Variants in ZNF160 observed in about 807,000 individuals in gnomAD.
ZNF160 encodes the protein zinc finger protein 160.
In ZNF160, 9 loss-of-function variants were observed where a neutral mutation model predicts 13.1. The observed-to-expected ratio is 0.69, with a 90% CI of 0.41 to 1.20. The LOEUF is 1.20. Among genes scored for constraint, ZNF160 ranks in the 50% most tolerant of loss-of-function variants. The probability of loss-of-function intolerance (pLI) is 0.01; values close to 1 mark genes in which losing one functional copy is unlikely to be tolerated. For synonymous variants in ZNF160, 293 were observed against 333.2 expected, an observed-to-expected ratio of 0.88 and a Z score of 1.31; for missense variants, 838 against 988.0, an observed-to-expected ratio of 0.85 and a Z score of 2.04.
intron 3 of ZNF160, among the ~76,000 whole-genome samples, chr19:53,082,248 C>T (rs887282996): frequency 1.3e-5 from 2 of 152,096 alleles, no homozygotes; most frequent in Non-Finnish European, 2.9e-5. Flanking sequence ...TCACGTGTAC[C>T]CCCTGAATCT....
rs979071671 is a variant in ZNF160 at position 53,075,395 on chromosome 19, T to C, written c.16-212A>G. 5.4e-6 allele frequency: 3 copies of C among 557,552 alleles called. No individual in the cohort carries two copies. The African/African-American group carries it at 5.7e-5, about 11-fold the overall frequency. 34.5% of individuals were successfully genotyped at this position (557,552 alleles called of 1,614,324 possible). On this transcript the variant is annotated intron_variant, in intron 3 of 5. Coordinates refer to ENST00000683776, the MANE Select transcript of ZNF160 (RefSeq NM_001322131.2). ...AAATCAGTGGAGTGATAAGTATCTT[T>C]TTGTACATTAATGGGATAATTGGTG...
rs59972442 is a variant in ZNF160, at chr19:53,096,762, G to A, written c.-353-5042C>T. ...AGGAGAGAGACAAACAGACCAACCC[G>A]TCCTCTCCCTCAATCACCCGCCTGG... On this transcript the variant is annotated intron_variant, in intron 1 of 5. Transcript: ENST00000683776. Among the ~76,000 whole-genome samples the A allele has an allele frequency of 1.6e-5, 2 of 125,186 alleles. 1 individual carries two copies. The highest frequency in any genetic ancestry group is 6.1e-5 in the African/African-American group (2 of 32,774). The allele number at this position is 125,186 out of a possible 152,430, so 82.1% of individuals were successfully genotyped here. A position where few individuals can be genotyped will look rare whatever the true frequency, so the allele number is the denominator to read the frequency against.
rs1345315007 is a variant in ZNF160, at chr19:53,067,386, G to A, written c.*691C>T. On this transcript the variant is annotated 3_prime_UTR_variant, in exon 6 of 6. Transcript: ENST00000683776. ...ACATCATAGTTTTACATTGTTTTTC[G>A]CCACTCCCAAATGCTAATTCAGATG... 2 of 152,010 alleles carry A rather than the reference G, an allele frequency of 1.3e-5. No homozygotes were observed. Among genetic ancestry groups the A allele is most frequent in the African/African-American group, 4.8e-5 (2 of 41,380 alleles). The allele number at this position is 152,010 out of a possible 1,614,324, so 9.4% of individuals were successfully genotyped here.
rs557418418 is a variant in ZNF160, at chr19:53,069,663, C to T, written c.871G>A (p.Gly291Ser). 44 of 1,613,860 alleles carry T rather than the reference C, an allele frequency of 2.7e-5. No individual in the cohort carries two copies. In the East Asian group the frequency reaches 4.5e-4, roughly 16 times the overall value. The change falls in exon 6 of 6, where the codon GGC becomes AGC. Residue 291 changes from glycine (G) to serine (S), a missense_variant. This residue lies in a region of ZNF160 where 387 missense variants were observed against 402.3 expected (regional missense o/e 0.96). Coordinates refer to ENST00000683776, the MANE Select transcript of ZNF160 (RefSeq NM_001322131.2). This position sits in a 1 kb window ranked among gnomAD's most constrained non-coding sequence, Gnocchi z 4.4. ...GEKPYKCSEC[G>S]KTFTVRSNLT... is the part of the protein sequence containing the mutation. ...TTTGAACGAACAGTAAAGGTTTTGCCGCACTCACTGCATTTGTAAGGCTTC... is the reference window on the plus strand; with the variant it reads ...TTTGAACGAACAGTAAAGGTTTTGCTGCACTCACTGCATTTGTAAGGCTTC...
chr19:53,101,044 C>T (rs2085430065), intron 1 of ZNF160, among the ~76,000 whole-genome samples: 1 of 151,882 alleles, frequency 6.6e-6, no homozygotes, highest in South Asian at 2.1e-4. Context: ...TTTGGGAGGC[C>T]GAGACAGGTG....
intron 3 of ZNF160, among the ~76,000 whole-genome samples, chr19:53,081,984 G>A (rs911936265): frequency 2.6e-5 from 4 of 152,278 alleles, no homozygotes; most frequent in Admixed American, 1.3e-4. Context: ...GATGCAGCTG[G>A]AGGCCGTTAT....
Position 53,074,009 on chromosome 19 carries a change from C to T in ZNF160, c.271+131G>A, listed in dbSNP as rs565039715. On this transcript the variant is annotated intron_variant, in intron 5 of 5. Transcript: ENST00000683776. ...TTCACAATGTTGGTCAGGCTGGTCT[C>T]GAACTCCTGACCTCAAGTGATCTGC... 554 of 833,676 alleles carry T rather than the reference C, an allele frequency of 6.6e-4. 1 individual carries two copies. Among genetic ancestry groups the T allele is most frequent in the Non-Finnish European group, 9.3e-4 (487 of 524,270 alleles). 51.6% of individuals were successfully genotyped at this position (833,676 alleles called of 1,614,324 possible).
chr19:53,075,361 G>C (rs1421923160), intron 3 of ZNF160, 178 bp from the exon 4 acceptor site: 10 of 694,534 alleles, frequency 1.4e-5, no homozygotes, highest in Non-Finnish European at 2.1e-5. Context: ...TGACATAAGA[G>C]CTCACTTGAA....
rs766499337 is a variant in ZNF160 at position 53,068,434 on chromosome 19, G to A, written c.2100C>T (p.Thr700=). Residue 700 remains threonine, a synonymous_variant, in exon 6 of 6, where the codon ACC becomes ACT. Transcript: ENST00000683776. The stretch of plus-strand genomic sequence containing the variant: ...CATTGCATCGGTAAGGTTTCTCTCC[G>A]GTGTGAGTCCTTTGATGATTTGCAA... ...SHLANHQRTH[T]GEKPYRCNEC... The A allele has an allele frequency of 2.6e-5, 42 of 1,612,532 alleles. No homozygotes were observed. Among genetic ancestry groups the A allele is most frequent in the Middle Eastern group, 3.3e-4 (2 of 6,070 alleles).
intron 3 of ZNF160, chr19:53,085,908 G>T: frequency 1.2e-6 from 1 of 845,260 alleles, no homozygotes; most frequent in Non-Finnish European, 1.9e-6. Context: ...CTGACTTCAT[G>T]GGCAGCTTCT....
intron 1 of ZNF160, among the ~76,000 whole-genome samples, chr19:53,102,643 T>G (rs549250093): frequency 6.6e-6 from 1 of 152,320 alleles, no homozygotes; most frequent in East Asian, 1.9e-4. Context: ...TCTCCCTCAT[T>G]TTTCTTTTCT....
At chr19:53,084,094 C>A (rs1040915718) in intron 3 of ZNF160, among the ~76,000 whole-genome samples, 2 of 151,882 alleles carry the variant, frequency 1.3e-5, no homozygotes, top group African/African-American at 4.8e-5. Flanking sequence ...GAGGTTACCT[C>A]GAGAAACAGC....
intron 2 of ZNF160, among the ~76,000 whole-genome samples, chr19:53,087,587 G>A (rs1370258980): frequency 6.6e-6 from 1 of 152,128 alleles, no homozygotes; most frequent in African/African-American, 2.4e-5. Context: ...TTTCACTCTT[G>A]TTGCCCAGGC....
At chr19:53,081,939 T>C (rs1407132986) in intron 3 of ZNF160, among the ~76,000 whole-genome samples, 21 of 152,070 alleles carry the variant, frequency 1.4e-4, no homozygotes. Flanking sequence ...TATACAGCCA[T>C]AAAAAAACAA....
chr19:53,088,266 A>G lies in ZNF160; in HGVS notation c.-45-1945T>C, dbSNP rs568204681. 4.3e-4 allele frequency among the ~76,000 whole-genome samples: 66 copies of G among 152,380 alleles called. 1 individual carries two copies. The highest frequency in any genetic ancestry group is 1.6e-3 in the African/African-American group (65 of 41,574). On this transcript the variant is annotated intron_variant, in intron 2 of 5. Coordinates refer to ENST00000683776, the MANE Select transcript of ZNF160 (RefSeq NM_001322131.2). Reference sequence around the variant, plus strand: ...AGGAAGAAAAAGATGAGGACAGGACATGAATTACGGCATTTAGGAATTGGG... The same window carrying G: ...AGGAAGAAAAAGATGAGGACAGGACGTGAATTACGGCATTTAGGAATTGGG...
At position 53,074,410 on chromosome 19, in the gene ZNF160, G is replaced by C. The variant is rs1021821505; in HGVS notation, c.143-142C>G. On this transcript the variant is annotated intron_variant, in intron 4 of 5. Coordinates refer to ENST00000683776, the MANE Select transcript of ZNF160 (RefSeq NM_001322131.2). ...GGGCCAGGCGCGGTGGCTCATGCCT[G>C]TAATCCCAGCATTTTGGGAAGCTGA... 4.9e-5 allele frequency: 68 copies of C among 1,382,782 alleles called. 1 individual carries two copies. In the African/African-American group the frequency reaches 9.5e-4, roughly 19 times the overall value. The allele number at this position is 1,382,782 out of a possible 1,614,324, so 85.7% of individuals were successfully genotyped here.
chr19:53,069,129 C>G lies in ZNF160; in HGVS notation c.1405G>C (p.Ala469Pro). 6.2e-7 allele frequency: 1 copy of G among 1,613,702 alleles called. No individual in the cohort carries two copies. Among genetic ancestry groups the G allele is most frequent in the Non-Finnish European group, 8.5e-7 (1 of 1,179,910 alleles). Reference protein sequence around the residue: ...GKAFSMHSNLATHQVIHTGTK... With the variant: ...GKAFSMHSNLPTHQVIHTGTK... Reference sequence around the variant, plus strand: ...CCAGTATGGATGACCTGATGGGTAGCTAGGTTTGAATGCATACTGAAGGCT... The same window carrying G: ...CCAGTATGGATGACCTGATGGGTAGGTAGGTTTGAATGCATACTGAAGGCT... The change falls in exon 6 of 6, where the codon GCT becomes CCT. Residue 469 changes from alanine to proline, a missense_variant. Around this residue, in one of 3 missense-constraint regions of ZNF160, gnomAD observed 400 missense variants for 538.9 expected, o/e 0.74. Transcript: ENST00000683776. This position sits in a 1 kb window ranked among gnomAD's most constrained non-coding sequence, Gnocchi z 4.4.
At position 53,074,180 on chromosome 19, in the gene ZNF160, T is replaced by A; in HGVS notation, c.231A>T (p.Arg77Ser). The change falls in exon 5 of 6, where the codon AGA becomes AGT. Residue 77 changes from arginine (R) to serine (S), a missense_variant. This residue lies in a region of ZNF160 where 387 missense variants were observed against 402.3 expected (regional missense o/e 0.96). Transcript: ENST00000683776. ...TGACACATTCCGGCGTTCTTGGTTT[T>A]CTTGCTATTTTCACACAGCTCTTCA... ...WTVKSCVKIA[R>S]KPRTPECVKG... 1 of 1,614,004 alleles carries A rather than the reference T, an allele frequency of 6.2e-7. No individual in the cohort carries two copies. The highest frequency in any genetic ancestry group is 8.5e-7 in the Non-Finnish European group (1 of 1,179,994).
In ZNF160 at chr19:53,068,690, T is replaced by C. The variant is rs1337113509; in HGVS notation, c.1844A>G (p.His615Arg). Residue 615 changes from histidine (H) to arginine (R), a missense_variant, in exon 6 of 6, where the codon CAT (histidine) becomes CGT (arginine). Transcript: ENST00000683776. ...RSSLTFHQAIHTGEKPYKCHE... is the reference protein window; with the variant it reads ...RSSLTFHQAIRTGEKPYKCHE... Reference sequence around the variant, plus strand: ...ACATTTGTAAGGTTTCTCTCCAGTATGTATTGCCTGATGAAAAGTTAGGCT... The same window carrying C: ...ACATTTGTAAGGTTTCTCTCCAGTACGTATTGCCTGATGAAAAGTTAGGCT... The C allele has an allele frequency of 2.5e-6, 4 of 1,614,244 alleles. No homozygotes were observed. The highest frequency in any genetic ancestry group is 2.5e-6 in the Non-Finnish European group (3 of 1,180,036).
Sources: gnomAD v4.1 joint callset for allele counts (sites outside exome capture counted in the v4.1 genomes callset) on GRCh38, gnomAD v4.1.1 for gene constraint, gnomAD v4.1.1 regional missense constraint, Gnocchi (gnomAD v3.1) non-coding constraint, MANE v1.5 for transcripts, NCBI Gene and HGNC (gene_info 2026-07-23, HGNC 2026-07-21) for gene names.